GLIS3: variants seen among roughly 807,000 people sequenced by gnomAD.
GLIS3 encodes zinc finger protein GLIS3.
GLIS3 carries 53 observed loss-of-function variants against 78.6 expected under a neutral mutation model. The observed-to-expected ratio is 0.67, with a 90% CI of 0.54 to 0.85. The LOEUF (loss-of-function observed/expected upper bound fraction) is 0.85. Among genes scored for constraint, GLIS3 ranks in the 40% least tolerant of loss-of-function variants. The pLI is 0.00. For missense variants in GLIS3, 1,703 were observed against 1,231.1 expected (o/e 1.38, Z -5.74); for synonymous variants, 684 against 509.9 (o/e 1.34, Z -4.60).
At chr9:4,361,836 C>T in the GLIS3 span, among the ~76,000 whole-genome samples, 1 of 152,166 alleles carries the variant, frequency 6.6e-6, no homozygotes, top group African/African-American at 2.4e-5. Flanking sequence ...AATCTACAGC[C>T]TAATTTGAAG....
chr9:4,070,911 C>T (rs2027392), intron 4 of GLIS3: 42,128 of 152,084 alleles, frequency 0.28, 6,753 homozygotes, highest in East Asian at 0.36. Flanking sequence ...AAGCACCCTG[C>T]TTTATGTACC....
chr9:3,849,593 C>A (rs1438212359), intron 9 of GLIS3, among the ~76,000 whole-genome samples: 1 of 152,162 alleles, frequency 6.6e-6, no homozygotes, highest in African/African-American at 2.4e-5. Flanking sequence ...CCACCTTGCA[C>A]TGTTTCCTGT....
intron 2 of GLIS3, chr9:4,152,093 T>G (rs1228723049): frequency 1.0e-6 from 1 of 974,704 alleles, no homozygotes. Flanking sequence ...TAACACAATA[T>G]TTTTCTACGG....
rs149223652 is a variant in GLIS3 at position 4,232,524 on chromosome 9, T to G, written c.388+53514A>C. On this transcript the variant is annotated intron_variant, in intron 2 of 10. Transcript: ENST00000381971. ...GTTTGACTTTCAGCAATATGATAACTCCTCTGAATTTCAAAGTGTTATTGA... is the reference window on the plus strand; with the variant it reads ...GTTTGACTTTCAGCAATATGATAACGCCTCTGAATTTCAAAGTGTTATTGA... 1.7e-3 allele frequency among the ~76,000 whole-genome samples: 260 copies of G among 152,196 alleles called. 4 individuals carry two copies. Among genetic ancestry groups the G allele is most frequent in the East Asian group, 0.011 (57 of 5,184 alleles).
intron 6 of GLIS3, among the ~76,000 whole-genome samples, chr9:3,901,586 G>C (rs979199650): frequency 1.3e-5 from 2 of 152,180 alleles, no homozygotes; most frequent in Non-Finnish European, 2.9e-5. Flanking sequence ...TTACTGTTTA[G>C]AGAGAAGTAT....
chr9:3,898,573 GA>G, intron 7 of GLIS3, 117 bp downstream of exon 7: 1 of 1,193,830 alleles, frequency 8.4e-7, no homozygotes, highest in Non-Finnish European at 1.2e-6. Flanking sequence ...GCAGCCCATT[GA>G]TAAAGAACAA....
chr9:4,233,604 C>G (rs1822463438), intron 2 of GLIS3, among the ~76,000 whole-genome samples: 1 of 152,144 alleles, frequency 6.6e-6, no homozygotes, highest in African/African-American at 2.4e-5. Context: ...AGATCACAGG[C>G]AGAATAGATT....
intron 2 of GLIS3, among the ~76,000 whole-genome samples, chr9:4,203,483 T>G (rs904340973): frequency 1.9e-4 from 29 of 152,332 alleles, no homozygotes; most frequent in African/African-American, 6.3e-4. Flanking sequence ...CCTGCACATG[T>G]AGCCTGGAAC....
At chr9:4,055,852 C>A (rs535563511) in intron 4 of GLIS3, among the ~76,000 whole-genome samples, 1 of 152,330 alleles carries the variant, frequency 6.6e-6, no homozygotes, top group East Asian at 1.9e-4. Flanking sequence ...ACTCCTCTTC[C>A]TTTCTTAGAA....
chr9:3,988,969 TAC>T (rs1375368623), intron 4 of GLIS3, among the ~76,000 whole-genome samples: 1 of 151,990 alleles, frequency 6.6e-6, no homozygotes, highest in East Asian at 1.9e-4. Flanking sequence ...AAGATGAAAA[TAC>T]AGAGAGACTG....
chr9:4,128,758 C>G (rs1832754174), intron 2 of GLIS3, among the ~76,000 whole-genome samples: 1 of 152,190 alleles, frequency 6.6e-6, no homozygotes, highest in Non-Finnish European at 1.5e-5. Flanking sequence ...CTCTGTAACT[C>G]TCTACTCTGG....
the GLIS3 span, among the ~76,000 whole-genome samples, chr9:4,362,129 G>A: frequency 5.3e-5 from 8 of 152,248 alleles, no homozygotes; most frequent in Non-Finnish European, 7.3e-5. Context: ...GCCTAGGGAG[G>A]CAGCTGTCAA....
At chr9:4,309,552 A>C (rs2130520783) in intron 3 of GLIS3, among the ~76,000 whole-genome samples, 1 of 152,266 alleles carries the variant, frequency 6.6e-6, no homozygotes, top group Middle Eastern at 3.4e-3. Flanking sequence ...GTTATGAAAA[A>C]ATACCCAGGT....
the GLIS3 span, among the ~76,000 whole-genome samples, chr9:4,393,673 T>G: frequency 6.6e-6 from 1 of 152,216 alleles, no homozygotes; most frequent in Non-Finnish European, 1.5e-5. Flanking sequence ...TGAATTTGGC[T>G]GATGTTTCCT....
intron 2 of GLIS3, among the ~76,000 whole-genome samples, chr9:4,138,853 G>C (rs1437860384): frequency 1.3e-5 from 2 of 152,174 alleles, no homozygotes; most frequent in Non-Finnish European, 2.9e-5. Context: ...TTCTTACTAA[G>C]ATGTTATCAG....
intron 2 of GLIS3, among the ~76,000 whole-genome samples, chr9:4,219,889 G>C (rs2131327184): frequency 6.6e-6 from 1 of 152,240 alleles, no homozygotes; most frequent in Admixed American, 6.5e-5. Flanking sequence ...GTAGCAATAA[G>C]CACACCCAGC....
intron 2 of GLIS3, among the ~76,000 whole-genome samples, chr9:4,269,893 A>G (rs981249551): frequency 1.3e-5 from 2 of 152,088 alleles, no homozygotes; most frequent in African/African-American, 4.8e-5. Context: ...GAAACCTGGA[A>G]ACAAGCCCAA....
intron 2 of GLIS3, among the ~76,000 whole-genome samples, chr9:4,190,675 C>G (rs1323452158): frequency 6.6e-6 from 1 of 151,930 alleles, no homozygotes; most frequent in Non-Finnish European, 1.5e-5. Flanking sequence ...TCAGGAAGTA[C>G]AGAGAATGCC....
chr9:4,368,504 C>A, the GLIS3 span, among the ~76,000 whole-genome samples: 8 of 152,152 alleles, frequency 5.3e-5, no homozygotes, highest in Non-Finnish European at 7.3e-5. Flanking sequence ...ACCACCACCA[C>A]GCCCGGCTAA....
Sources: allele counts gnomAD v4.1 joint callset (sites outside exome capture counted in the v4.1 genomes callset), GRCh38; gene constraint gnomAD v4.1.1; transcripts MANE v1.5; gene names NCBI Gene and HGNC (gene_info 2026-07-23, HGNC 2026-07-21).